The following ATP5F1A variants were observed in gnomAD, a reference collection of about 807,000 sequenced individuals.
The protein encoded by ATP5F1A is ATP synthase F(1) complex subunit alpha, mitochondrial.
A neutral mutation model predicts 57.4 loss-of-function variants in ATP5F1A; 24 were observed. The ratio of observed to expected loss-of-function variants is 0.42; its 90% CI spans 0.30 to 0.59. The LOEUF is 0.59. ATP5F1A is among the 20% of genes least tolerant of loss of function. ATP5F1A has a pLI of 0.19. For missense variants in ATP5F1A, 494 were observed against 707.9 expected, an observed-to-expected ratio of 0.70 and a Z score of 3.43; for synonymous variants, 251 against 255.5, an observed-to-expected ratio of 0.98 and a Z score of 0.17.
chr18:46,096,357 G>A (rs1910950119), intron 1 of ATP5F1A, among the ~76,000 whole-genome samples: 1 of 151,654 alleles, frequency 6.6e-6, no homozygotes, highest in African/African-American at 2.4e-5. Context: ...AAAATTAGCT[G>A]GGCGTGGTGG....
intron 2 of ATP5F1A, among the ~76,000 whole-genome samples, chr18:46,093,751 G>A (rs1026007954): frequency 1.8e-4 from 28 of 152,124 alleles, no homozygotes; most frequent in African/African-American, 6.3e-4. Context: ...TTGAACCTGG[G>A]AGGTGGAGGT....
intron 2 of ATP5F1A, 80 bp from the exon 3 acceptor site, chr18:46,091,931 T>C (rs1910584505): frequency 1.4e-6 from 2 of 1,412,540 alleles, no homozygotes; most frequent in African/African-American, 1.4e-5. Context: ...CCAGCACTTT[T>C]GGAGGCTGAG....
At position 46,081,673 on chromosome 18, in the gene ATP5F1A, C is replaced by CAAAAAAAAAAAAAAAAAAAAA. The variant is rs1159742250; in HGVS notation, c.*2588_*2608dup. Reference sequence around the variant, plus strand: ...GAGCAAAACTCTCAAAAAAAAAAAACAAAAAAAAAAAAAAAAAAAAAAAAC... The same window carrying CAAAAAAAAAAAAAAAAAAAAA: ...GAGCAAAACTCTCAAAAAAAAAAAACAAAAAAAAAAAAAAAAAAAAAAAAAAAAAAAAAAAAAAAAAAAAAC... On this transcript the variant is annotated 3_prime_UTR_variant, in exon 12 of 12. Transcript: ENST00000398752. The CAAAAAAAAAAAAAAAAAAAAA allele has an allele frequency of 4.0e-5, 3 of 75,454 alleles. No individual in the cohort carries two copies. The highest frequency in any genetic ancestry group is 1.5e-4 in the Admixed American group (1 of 6,618). The allele number at this position is 75,454 out of a possible 1,614,324, so 4.7% of individuals were successfully genotyped here.
At chr18:46,086,710 C>T in intron 8 of ATP5F1A, 1 of 597,352 alleles carries the variant, frequency 1.7e-6, no homozygotes, top group Non-Finnish European at 2.9e-6. Flanking sequence ...CATATTTATA[C>T]TGAAATACAT....
intron 11 of ATP5F1A, 38 bp from the exon 12 acceptor site, chr18:46,084,401 G>C (rs1343297026): frequency 6.3e-7 from 1 of 1,595,500 alleles, no homozygotes; most frequent in African/African-American, 1.4e-5. Context: ...GTTCTGACCT[G>C]GAAAAAGTTT....
chr18:46,091,518 A>G (rs1334195842), intron 3 of ATP5F1A, among the ~76,000 whole-genome samples, 164 bp downstream of exon 3: 1 of 152,190 alleles, frequency 6.6e-6, no homozygotes, highest in African/African-American at 2.4e-5. Flanking sequence ...GCTAATTCAA[A>G]CCCTTAAGTT....
chr18:46,086,371 A>G lies in ATP5F1A; in HGVS notation c.1284+16T>C, dbSNP rs751045388. 1 of 1,613,958 alleles carries G rather than the reference A, an allele frequency of 6.2e-7. No homozygotes were observed. The highest frequency in any genetic ancestry group is 8.5e-7 in the Non-Finnish European group (1 of 1,179,906). On this transcript the variant is annotated intron_variant, in intron 9 of 11. Transcript: ENST00000398752. ...CTAATGATAGCCCCCTTACTGCCAAAGTGATGCAAAATTACCTGCTTCATA... is the reference window on the plus strand; with the variant it reads ...CTAATGATAGCCCCCTTACTGCCAAGGTGATGCAAAATTACCTGCTTCATA...
chr18:46,095,129 G>C lies in ATP5F1A; in HGVS notation c.63C>G (p.Val21=), dbSNP rs1263071127. ...VRALPRRAGL[V]SRNALGSSFI... ...AAGATGAACCCAAAGCATTTCTGGA[G>C]ACCTAGTGCAAAAGTATTCTTAAAA... The change falls in exon 2 of 12, where the codon GTC becomes GTG. Residue 21 remains valine (V), a splice_region_variant and synonymous_variant. Coordinates refer to ENST00000398752, the MANE Select transcript of ATP5F1A (RefSeq NM_004046.6). 1.2e-6 allele frequency: 2 copies of C among 1,612,850 alleles called. No individual in the cohort carries two copies. Among genetic ancestry groups the C allele is most frequent in the African/African-American group, 1.3e-5 (1 of 74,790 alleles).
chr18:46,100,293 A>G (rs189144417), upstream of ATP5F1A, among the ~76,000 whole-genome samples: 593 of 151,640 alleles, frequency 3.9e-3, 4 homozygotes, highest in African/African-American at 0.014. Flanking sequence ...AAGAAAAGAA[A>G]AAGAAAAAGG....
upstream of ATP5F1A, among the ~76,000 whole-genome samples, chr18:46,101,391 C>T (rs1011341170): frequency 5.3e-5 from 8 of 151,658 alleles, no homozygotes; most frequent in Admixed American, 4.6e-4. Flanking sequence ...ATGGCAAAAC[C>T]CCGTCTCTAC....
chr18:46,086,918 G>T, intron 8 of ATP5F1A, 90 bp downstream of exon 8: 1 of 1,361,004 alleles, frequency 7.3e-7, no homozygotes, highest in African/African-American at 1.5e-5. Flanking sequence ...AATGCATTTA[G>T]CAAATCAGTC....
intron 5 of ATP5F1A, 197 bp downstream of exon 5, chr18:46,089,369 T>G: frequency 1.6e-6 from 1 of 628,578 alleles, no homozygotes; most frequent in Non-Finnish European, 2.7e-6. Context: ...CCGACTGAGC[T>G]AGCTCGTCCC....
At chr18:46,092,286 T>A (rs190693545) in intron 2 of ATP5F1A, 76 of 151,106 alleles carry the variant, frequency 5.0e-4, no homozygotes, top group African/African-American at 1.8e-3. Context: ...AAAACTAGTT[T>A]TGTGATCATA....
chr18:46,091,591 T>C, intron 3 of ATP5F1A, 91 bp downstream of exon 3: 1 of 1,356,480 alleles, frequency 7.4e-7, no homozygotes, highest in Non-Finnish European at 9.9e-7. Flanking sequence ...AGACAAAGTT[T>C]TTTAAAAATC....
chr18:46,097,571 G>T (rs556843974), intron 1 of ATP5F1A, among the ~76,000 whole-genome samples: 3 of 152,138 alleles, frequency 2.0e-5, no homozygotes, highest in African/African-American at 7.2e-5. Flanking sequence ...CACAGTGCTG[G>T]CCACATGAAA....
chr18:46,095,578 A>G (rs1475698489), intron 1 of ATP5F1A, among the ~76,000 whole-genome samples: 1 of 151,858 alleles, frequency 6.6e-6, no homozygotes, highest in Non-Finnish European at 1.5e-5. Flanking sequence ...TGGCCTCCCA[A>G]AGTGCTAGAA....
intron 1 of ATP5F1A, among the ~76,000 whole-genome samples, chr18:46,096,501 A>C (rs1184477924): frequency 7.4e-4 from 43 of 58,214 alleles, no homozygotes; most frequent in Non-Finnish European, 1.6e-3. Context: ...ACTCCGTCTC[A>C]AAAAAAAAAA....
intron 3 of ATP5F1A, among the ~76,000 whole-genome samples, chr18:46,091,341 T>C (rs1910536653): frequency 6.6e-6 from 1 of 152,192 alleles, no homozygotes; most frequent in African/African-American, 2.4e-5. Context: ...ACCAGAAAAA[T>C]TTTGTTGAAG....
chr18:46,103,316 G>C (rs1911339349), intron 1 of ATP5F1A, among the ~76,000 whole-genome samples: 1 of 133,522 alleles, frequency 7.5e-6, no homozygotes. Flanking sequence ...ATCTCAAAAA[G>C]AAAAGAAAAG....
Sources: allele counts gnomAD v4.1 joint callset (sites outside exome capture counted in the v4.1 genomes callset), GRCh38; gene constraint gnomAD v4.1.1; transcripts MANE v1.5; gene names NCBI Gene and HGNC (gene_info 2026-07-23, HGNC 2026-07-21).